PPP6R3: variants seen among roughly 807,000 people sequenced by gnomAD.
PPP6R3 encodes protein phosphatase 6 regulatory subunit 3, also known as serine/threonine-protein phosphatase 6 regulatory subunit 3.
PPP6R3 carries 38 observed loss-of-function variants against 110.7 expected under a neutral mutation model. That is an observed-to-expected ratio of 0.34 (90% CI 0.26 to 0.45). The LOEUF (loss-of-function observed/expected upper bound fraction) is 0.45. Ranked by LOEUF, PPP6R3 falls within the 20% of genes least tolerant of loss-of-function variation. The pLI is 1.00. For missense variants in PPP6R3, 870 were observed against 1,062.4 expected, an observed-to-expected ratio of 0.82 and a Z score of 2.52; for synonymous variants, 369 against 373.5, an observed-to-expected ratio of 0.99 and a Z score of 0.14.
chr11:68,536,266 T>C (rs1296072950), intron 2 of PPP6R3, among the ~76,000 whole-genome samples: 1 of 152,076 alleles, frequency 6.6e-6, no homozygotes, highest in African/African-American at 2.4e-5. Context: ...GGGTGGGTTT[T>C]TTTTGTTTTG....
Position 68,542,389 on chromosome 11 carries a change from G to GTTTTTTTTTTGCTTT in PPP6R3, c.228-2439_228-2438insGCTTTTTTTTTTTTT, listed in dbSNP as rs1555132282. The stretch of plus-strand genomic sequence containing the variant: ...ATCTTTGGGTGCTTGAGAAGCTGCT[G>GTTTTTTTTTTGCTTT]TTTTTTTTTTTTTTTTTTTTTTAAG... On this transcript the variant is annotated intron_variant, in intron 3 of 23. Coordinates refer to ENST00000393800, the MANE Select transcript of PPP6R3 (RefSeq NM_001164161.2). 5.0e-5 allele frequency among the ~76,000 whole-genome samples: 2 copies of GTTTTTTTTTTGCTTT among 40,188 alleles called. 1 individual carries two copies. The highest frequency in any genetic ancestry group is 8.7e-4 in the Admixed American group (2 of 2,312). The allele number at this position is 40,188 out of a possible 152,430, so 26.4% of individuals were successfully genotyped here.
At chr11:68,543,655 G>A (rs1394843483) in intron 3 of PPP6R3, among the ~76,000 whole-genome samples, 1 of 152,192 alleles carries the variant, frequency 6.6e-6, no homozygotes, top group Admixed American at 6.5e-5. Context: ...AGCCACGTTT[G>A]GCTATTTTGC....
intron 1 of PPP6R3, among the ~76,000 whole-genome samples, chr11:68,489,579 T>TGTGTGTGTGTG (rs1565369441): frequency 5.3e-5 from 8 of 151,716 alleles, no homozygotes; most frequent in South Asian, 2.1e-4. Flanking sequence ...TGTGTGTGTG[T>TGTGTGTGTGTG]TTTAATGAAC....
chr11:68,546,216 T>G (rs1306730254), intron 4 of PPP6R3, among the ~76,000 whole-genome samples: 1 of 152,170 alleles, frequency 6.6e-6, no homozygotes, highest in East Asian at 1.9e-4. Context: ...AGATTGTCTC[T>G]TTTTTTCTGC....
chr11:68,467,416 A>G (rs901932794), intron 1 of PPP6R3, among the ~76,000 whole-genome samples: 2 of 152,236 alleles, frequency 1.3e-5, no homozygotes, highest in African/African-American at 4.8e-5. Context: ...AACATTAGAG[A>G]GCAGGACTAA....
Position 68,544,785 on chromosome 11 carries a change from T to C in PPP6R3, c.228-53T>C, listed in dbSNP as rs867350835. 4.4e-5 allele frequency: 56 copies of C among 1,261,962 alleles called. No homozygotes were observed. The South Asian group carries it at 5.1e-4, about 11-fold the overall frequency. 78.2% of individuals were successfully genotyped at this position (1,261,962 alleles called of 1,614,324 possible). Reference sequence around the variant, plus strand: ...AGCCTTTCTGATTTGTGTTTATCTTTATGTAATTAAACTGTTAATAAAGAT... The same window carrying C: ...AGCCTTTCTGATTTGTGTTTATCTTCATGTAATTAAACTGTTAATAAAGAT... On this transcript the variant is annotated intron_variant, in intron 3 of 23. Coordinates refer to ENST00000393800, the MANE Select transcript of PPP6R3 (RefSeq NM_001164161.2).
intron 1 of PPP6R3, among the ~76,000 whole-genome samples, chr11:68,465,067 A>G (rs1390075593): frequency 6.6e-6 from 1 of 152,006 alleles, no homozygotes; most frequent in East Asian, 1.9e-4. Flanking sequence ...TTTTTAGTAG[A>G]GATGGGGTTT....
In PPP6R3 at chr11:68,614,696, A is replaced by G. The variant is rs990358001; in HGVS notation, c.*1579A>G. 2.0e-6 allele frequency: 3 copies of G among 1,525,482 alleles called. No individual in the cohort carries two copies. The East Asian group carries it at 7.4e-5, about 37-fold the overall frequency. 94.5% of individuals were successfully genotyped at this position (1,525,482 alleles called of 1,614,324 possible). A position where few individuals can be genotyped will look rare whatever the true frequency, so the allele number is the denominator to read the frequency against. ...GCAGTAAGCCCTGGGACAGGTGGCAAGGGTGGGTCCCTTGACCTTTGCACG... is the reference window on the plus strand; with the variant it reads ...GCAGTAAGCCCTGGGACAGGTGGCAGGGGTGGGTCCCTTGACCTTTGCACG... On this transcript the variant is annotated 3_prime_UTR_variant, in exon 24 of 24. Transcript: ENST00000393800.
intron 3 of PPP6R3, among the ~76,000 whole-genome samples, chr11:68,544,535 C>G (rs116292300): frequency 4.6e-5 from 7 of 152,296 alleles, no homozygotes; most frequent in African/African-American, 1.7e-4. Context: ...CCTCGCTGAT[C>G]GTGGAGAAGG....
intron 1 of PPP6R3, among the ~76,000 whole-genome samples, chr11:68,490,908 G>T (rs564706920): frequency 6.6e-6 from 1 of 152,154 alleles, no homozygotes; most frequent in East Asian, 1.9e-4. Flanking sequence ...TTACAAAATT[G>T]CTAGTGGCCG....
At chr11:68,612,145 T>A (rs1388887256) in intron 23 of PPP6R3, among the ~76,000 whole-genome samples, 2 of 152,212 alleles carry the variant, frequency 1.3e-5, no homozygotes, top group Non-Finnish European at 2.9e-5. Context: ...ACTCAGCTTG[T>A]TTAAGTGAAG....
At chr11:68,611,043 A>G (rs1043994438) in intron 23 of PPP6R3, among the ~76,000 whole-genome samples, 8 of 152,226 alleles carry the variant, frequency 5.3e-5, no homozygotes, top group African/African-American at 1.9e-4. Flanking sequence ...CATATAAAAC[A>G]AACAAATTAA....
At chr11:68,460,982 G>A (rs527323158) in intron 1 of PPP6R3, among the ~76,000 whole-genome samples, 155 bp downstream of exon 1, 1 of 151,888 alleles carries the variant, frequency 6.6e-6, no homozygotes, top group East Asian at 1.9e-4. Flanking sequence ...CGCTCCGCGG[G>A]CCCGGGAGGC....
chr11:68,556,836 G>A (rs1289756374), intron 7 of PPP6R3, among the ~76,000 whole-genome samples: 1 of 152,214 alleles, frequency 6.6e-6, no homozygotes, highest in Non-Finnish European at 1.5e-5. Context: ...TCAGAAGATG[G>A]CGTAGCTATT....
At chr11:68,477,741 A>AATAT (rs1179617745) in intron 1 of PPP6R3, among the ~76,000 whole-genome samples, 134 of 57,884 alleles carry the variant, frequency 2.3e-3, no homozygotes, top group African/African-American at 5.3e-3. Flanking sequence ...AAAAAAAAAA[A>AATAT]ATATATATAT....
In PPP6R3 at chr11:68,515,683, C is replaced by A. The variant is rs147464961; in HGVS notation, c.-157-3818C>A. On this transcript the variant is annotated intron_variant, in intron 1 of 23. Transcript: ENST00000393800. ...CATGGCCTTTCCTTGGGTTCATGTG[C>A]ACGTGGTGTCTCATAAGGACACTAA... Among the ~76,000 whole-genome samples, 387 of 152,296 alleles carry A rather than the reference C, an allele frequency of 2.5e-3. 1 individual carries two copies. The highest frequency in any genetic ancestry group is 0.017 in the Middle Eastern group (5 of 294).
intron 1 of PPP6R3, among the ~76,000 whole-genome samples, chr11:68,462,354 G>T (rs1488487292): frequency 1.3e-5 from 2 of 152,162 alleles, no homozygotes; most frequent in African/African-American, 2.4e-5. Flanking sequence ...CAGGGTTTTT[G>T]ACCATTCCTT....
intron 8 of PPP6R3, 76 bp downstream of exon 8, chr11:68,558,755 T>A: frequency 1.8e-6 from 2 of 1,105,432 alleles, no homozygotes; most frequent in South Asian, 1.3e-5. Context: ...TCTTAGTGGA[T>A]AAGCTGTAAT....
At chr11:68,463,229 C>T (rs2098720844) in intron 1 of PPP6R3, among the ~76,000 whole-genome samples, 1 of 151,648 alleles carries the variant, frequency 6.6e-6, no homozygotes, top group South Asian at 2.1e-4. Context: ...ATTAGTCGGT[C>T]ATGGTGGCGT....
Sources: gnomAD v4.1 joint callset for allele counts (sites outside exome capture counted in the v4.1 genomes callset) on GRCh38, gnomAD v4.1.1 for gene constraint, MANE v1.5 for transcripts, NCBI Gene and HGNC (gene_info 2026-07-23, HGNC 2026-07-21) for gene names.